GPC5: variants seen among roughly 807,000 people sequenced by gnomAD.
GPC5 encodes the protein glypican-5.
Under a neutral mutation model 53.9 loss-of-function variants are expected in GPC5, and 47 were observed. That is an observed-to-expected ratio of 0.87 (90% CI 0.69 to 1.11). The LOEUF (loss-of-function observed/expected upper bound fraction) is 1.11, where lower values mean the gene tolerates loss of function less well. GPC5 is among the 50% of genes most tolerant of loss of function. The pLI is 0.00. For synonymous variants in GPC5, 286 were observed against 263.3 expected (o/e 1.09, Z -0.84); for missense variants, 748 against 713.1 (o/e 1.05, Z -0.56).
intron 7 of GPC5, among the ~76,000 whole-genome samples, chr13:92,380,120 C>A (rs933367875): frequency 2.0e-5 from 3 of 152,180 alleles, no homozygotes; most frequent in African/African-American, 4.8e-5. Context: ...TAATTAATTT[C>A]TTCTTAGCTT....
At chr13:92,583,804 C>T (rs375969122) in intron 7 of GPC5, among the ~76,000 whole-genome samples, 6 of 152,104 alleles carry the variant, frequency 3.9e-5, no homozygotes, top group South Asian at 4.1e-4. Flanking sequence ...GGAGGGACCT[C>T]GTGGCAGGTA....
intron 7 of GPC5, among the ~76,000 whole-genome samples, chr13:92,234,539 C>T (rs570129183): frequency 6.6e-5 from 10 of 151,536 alleles, no homozygotes; most frequent in African/African-American, 1.9e-4. Flanking sequence ...GAGACACCAA[C>T]AATTCTTGAA....
chr13:91,399,543 C>G (rs1177075014), intron 1 of GPC5, among the ~76,000 whole-genome samples: 1 of 152,190 alleles, frequency 6.6e-6, no homozygotes, highest in Non-Finnish European at 1.5e-5. Context: ...GTTTCTCTTC[C>G]GAGTAGGAAT....
chr13:92,766,617 GC>G (rs1264864471), intron 7 of GPC5, among the ~76,000 whole-genome samples: 1 of 152,178 alleles, frequency 6.6e-6, no homozygotes, highest in East Asian at 1.9e-4. Flanking sequence ...CAGGCAATTA[GC>G]TGTTATCAGA....
chr13:92,541,031 A>G (rs1418677861), intron 7 of GPC5, among the ~76,000 whole-genome samples: 1 of 151,896 alleles, frequency 6.6e-6, no homozygotes, highest in Non-Finnish European at 1.5e-5. Flanking sequence ...GTGAAGATTC[A>G]AGTAAATAAG....
intron 5 of GPC5, among the ~76,000 whole-genome samples, chr13:91,775,256 G>T (rs148379538): frequency 6.6e-6 from 1 of 152,138 alleles, no homozygotes; most frequent in African/African-American, 2.4e-5. Flanking sequence ...CTGTGTTTTA[G>T]TCTATATAAT....
At chr13:92,391,209 A>G (rs1874986823) in intron 7 of GPC5, among the ~76,000 whole-genome samples, 1 of 152,160 alleles carries the variant, frequency 6.6e-6, no homozygotes, top group South Asian at 2.1e-4. Flanking sequence ...CATTAATATC[A>G]TTAATTCTCC....
At chr13:92,809,296 C>T (rs1262870229) in intron 7 of GPC5, among the ~76,000 whole-genome samples, 1 of 152,104 alleles carries the variant, frequency 6.6e-6, no homozygotes, top group African/African-American at 2.4e-5. Context: ...AATATAGATA[C>T]TTAAAAGGCA....
intron 6 of GPC5, among the ~76,000 whole-genome samples, chr13:91,927,947 A>G (rs2139027093): frequency 6.6e-6 from 1 of 152,338 alleles, no homozygotes; most frequent in East Asian, 1.9e-4. Flanking sequence ...TTCAGGAGAC[A>G]TTCTTGAGGT....
chr13:92,016,769 C>T (rs1468101715), intron 6 of GPC5, among the ~76,000 whole-genome samples: 1 of 150,608 alleles, frequency 6.6e-6, no homozygotes, highest in Non-Finnish European at 1.5e-5. Flanking sequence ...GCTCTGTCAC[C>T]AAGGCTGGAG....
intron 7 of GPC5, among the ~76,000 whole-genome samples, chr13:92,842,655 G>GTTTT (rs11331842): frequency 7.1e-6 from 1 of 140,666 alleles, no homozygotes; most frequent in Non-Finnish European, 1.6e-5. Flanking sequence ...ATACATAATT[G>GTTTT]TTTTTTTTTT....
intron 7 of GPC5, among the ~76,000 whole-genome samples, chr13:92,361,617 T>C (rs950744796): frequency 6.6e-6 from 1 of 151,572 alleles, no homozygotes. Context: ...TGGGTGGGTT[T>C]GGAGGATCAA....
chr13:92,473,050 T>C (rs1878971316), intron 7 of GPC5, among the ~76,000 whole-genome samples: 1 of 152,066 alleles, frequency 6.6e-6, no homozygotes, highest in African/African-American at 2.4e-5. Flanking sequence ...AAAACAGATA[T>C]TGATCATATT....
intron 7 of GPC5, among the ~76,000 whole-genome samples, chr13:92,715,251 G>C (rs1416000017): frequency 4.6e-5 from 7 of 152,298 alleles, no homozygotes; most frequent in South Asian, 2.1e-4. Flanking sequence ...ATGAGAGTGT[G>C]TGCATGTTTC....
intron 4 of GPC5, among the ~76,000 whole-genome samples, chr13:91,743,495 C>A (rs1028335286): frequency 6.6e-6 from 1 of 152,014 alleles, no homozygotes; most frequent in Admixed American, 6.6e-5. Context: ...TGGTAAAGAA[C>A]CTTTTCAACA....
intron 5 of GPC5, among the ~76,000 whole-genome samples, chr13:91,862,173 G>C (rs1220234060): frequency 1.3e-5 from 2 of 152,018 alleles, no homozygotes; most frequent in African/African-American, 4.8e-5. Context: ...TTTCCCTTCA[G>C]ACTAAAAAAT....
At chr13:92,119,357 A>T (rs1198739000) in intron 6 of GPC5, among the ~76,000 whole-genome samples, 2 of 149,088 alleles carry the variant, frequency 1.3e-5, no homozygotes, top group Non-Finnish European at 3.0e-5. Flanking sequence ...CAGTCAAATC[A>T]TATCACCTAT....
At chr13:91,598,390 C>T (rs911083203) in intron 2 of GPC5, among the ~76,000 whole-genome samples, 1 of 151,764 alleles carries the variant, frequency 6.6e-6, no homozygotes, top group African/African-American at 2.4e-5. Flanking sequence ...AGATATGTTA[C>T]AGGTAGAGCT....
intron 5 of GPC5, among the ~76,000 whole-genome samples, chr13:91,893,522 A>G (rs879405420): frequency 1.3e-5 from 2 of 152,114 alleles, no homozygotes; most frequent in Non-Finnish European, 2.9e-5. Flanking sequence ...GTGCATGTGT[A>G]TGAACATACC....
Sources: gnomAD v4.1 joint callset for allele counts (sites outside exome capture counted in the v4.1 genomes callset) on GRCh38, gnomAD v4.1.1 for gene constraint, MANE v1.5 for transcripts, NCBI Gene and HGNC (gene_info 2026-07-23, HGNC 2026-07-21) for gene names.